Variants in RBMXL3 observed in about 807,000 individuals in gnomAD.
RBMXL3 encodes the protein RNA-binding motif protein, X-linked-like-3.
RBMXL3 carries 2 observed loss-of-function variants against 0.8 expected under a neutral mutation model. That is an observed-to-expected ratio of 2.54 (90% CI 1.04 to 8.00). The LOEUF (loss-of-function observed/expected upper bound fraction) is 8.00. Ranked by LOEUF, RBMXL3 falls within the 30% of genes most tolerant of loss-of-function variation. The probability of loss-of-function intolerance (pLI) is 0.04; values close to 1 mark genes in which losing one functional copy is unlikely to be tolerated. For synonymous variants in RBMXL3, 447 were observed against 449.8 expected, an observed-to-expected ratio of 0.99 and a Z score of 0.08; for missense variants, 1,127 against 1,068.0, an observed-to-expected ratio of 1.06 and a Z score of -0.77.
In RBMXL3 at chrX:115,192,041, G is replaced by A. The variant is rs1556560671; in HGVS notation, c.2600G>A (p.Arg867His). ...GGGHYEEYRG[R>H]SHDTHSRGRS... ...GGCCACTACGAAGAGTACCGAGGCC[G>A]CTCGCACGACACCCACAGCAGGGGC... The change falls in exon 1 of 1, where the codon CGC becomes CAC. Residue 867 changes from arginine to histidine, a missense_variant. By Grantham distance (29) the Arg-to-His change is conservative (BLOSUM62 0). Transcript: ENST00000424776. The A allele has an allele frequency of 2.2e-5, 25 of 1,162,064 alleles. No homozygotes were observed. In the East Asian group the frequency reaches 6.6e-4, roughly 31 times the overall value.
rs782811705 is a variant in RBMXL3 at position 115,192,638 on chromosome X, G to C, written c.3197G>C (p.Arg1066Thr). Residue 1066 changes from arginine (R) to threonine (T), a missense_variant, in exon 1 of 1, where the codon AGA (arginine) becomes ACA (threonine). By Grantham distance (71) the Arg-to-Thr change is moderately conservative (BLOSUM62 -1). Transcript: ENST00000424776. ...GRFERGEGRS[R>T]Y ...TTCGAGAGGGGGGAAGGCCGGAGCA[G>C]ATACTAAGCAGGAACAGACTTGGGC... 9.5e-5 allele frequency: 111 copies of C among 1,167,788 alleles called. No homozygotes were observed. Among genetic ancestry groups the C allele is most frequent in the Non-Finnish European group, 1.2e-4 (105 of 873,473 alleles).
Position 115,191,332 on chromosome X carries a change from G to A in RBMXL3, c.1891G>A (p.Glu631Lys), listed in dbSNP as rs201518011. The A allele has an allele frequency of 1.4e-5, 16 of 1,144,988 alleles. No individual in the cohort carries two copies. The highest frequency in any genetic ancestry group is 2.4e-4 in the Middle Eastern group (1 of 4,186). 94.4% of individuals were successfully genotyped at this position (1,144,988 alleles called of 1,213,427 possible). A position where few individuals can be genotyped will look rare whatever the true frequency, so the allele number is the denominator to read the frequency against. ...CCGCTACGGAGGAGGAGGCCGCTAC[G>A]AGGAGTACCGAGGCCGCTCCCTTGA... ...SHRYGGGGRY[E>K]EYRGRSLDAN... The change falls in exon 1 of 1, where the codon GAG becomes AAG. Residue 631 changes from glutamate to lysine, a missense_variant. Physicochemically the swap from Glu to Lys is moderately conservative, Grantham distance 56. Coordinates refer to ENST00000424776, the MANE Select transcript of RBMXL3 (RefSeq NM_001145346.2).
Position 115,192,720 on chromosome X carries a change from A to G in RBMXL3, c.*75A>G. On this transcript the variant is annotated 3_prime_UTR_variant, in exon 1 of 1. Coordinates refer to ENST00000424776, the MANE Select transcript of RBMXL3 (RefSeq NM_001145346.2). Reference sequence around the variant, plus strand: ...AGAACCTGTTCTATGTTAACTACCCAAGGACTAGTATAAGTAGGAGTTGTT... The same window carrying G: ...AGAACCTGTTCTATGTTAACTACCCGAGGACTAGTATAAGTAGGAGTTGTT... 1 of 979,593 alleles carries G rather than the reference A, an allele frequency of 1.0e-6. No homozygotes were observed. Among genetic ancestry groups the G allele is most frequent in the South Asian group, 2.1e-5 (1 of 46,816 alleles). The allele number at this position is 979,593 out of a possible 1,213,427, so 80.7% of individuals were successfully genotyped here.
rs782623761 is a variant in RBMXL3, at chrX:115,190,424, G to A, written c.983G>A (p.Arg328His). 1.1e-5 allele frequency: 13 copies of A among 1,164,013 alleles called. No individual in the cohort carries two copies. The highest frequency in any genetic ancestry group is 6.5e-5 in the East Asian group (2 of 30,638). The part of the protein sequence containing the change: ...GTPPSYGGGC[R>H]YEEYQGNSPD... Reference sequence around the variant, plus strand: ...CCGCCATCTTATGGAGGAGGATGCCGCTACGAGGAGTACCAGGGCAACTCG... The same window carrying A: ...CCGCCATCTTATGGAGGAGGATGCCACTACGAGGAGTACCAGGGCAACTCG... The change falls in exon 1 of 1, where the codon CGC becomes CAC. Residue 328 changes from arginine (R) to histidine (H), a missense_variant. Transcript: ENST00000424776.
At position 115,190,635 on chromosome X, in the gene RBMXL3, C is replaced by T. The variant is rs782060280; in HGVS notation, c.1194C>T (p.Asp398=). 7.0e-4 allele frequency: 812 copies of T among 1,155,301 alleles called. 1 individual carries two copies. The highest frequency in any genetic ancestry group is 8.5e-4 in the Non-Finnish European group (733 of 864,736). The part of the protein sequence containing the change: ...CYEEYRGRSP[D]AHSGGRNSSS... ...AGGAGTACAGAGGCCGCTCGCCCGA[C>T]GCCCACAGCGGGGGCCGCAACAGTT... Residue 398 remains aspartate (D), a synonymous_variant, in exon 1 of 1, where the codon GAC becomes GAT. Coordinates refer to ENST00000424776, the MANE Select transcript of RBMXL3 (RefSeq NM_001145346.2).
rs1556561008 is a variant in RBMXL3, at chrX:115,192,224, G to A, written c.2783G>A (p.Arg928His). The A allele has an allele frequency of 2.6e-6, 3 of 1,161,549 alleles. No individual in the cohort carries two copies. The highest frequency in any genetic ancestry group is 3.3e-5 in the East Asian group (1 of 30,442). The change falls in exon 1 of 1, where the codon CGC (arginine) becomes CAC (histidine). Residue 928 changes from arginine to histidine, a missense_variant. By Grantham distance (29) the Arg-to-His change is conservative. Transcript: ENST00000424776. ...GRSPNAYGGGRGLNSSNNSHG... is the reference protein window; with the variant it reads ...GRSPNAYGGGHGLNSSNNSHG... ...TCGCCCAATGCCTACGGCGGGGGCC[G>A]CGGCCTCAACAGTTCCAACAACAGT...
At position 115,192,632 on chromosome X, in the gene RBMXL3, G is replaced by A. The variant is rs1156655129; in HGVS notation, c.3191G>A (p.Arg1064Gln). 29 of 1,168,107 alleles carry A rather than the reference G, an allele frequency of 2.5e-5. No individual in the cohort carries two copies. The highest frequency in any genetic ancestry group is 2.4e-4 in the Middle Eastern group (1 of 4,121). The change falls in exon 1 of 1, where the codon CGG becomes CAG. Residue 1064 changes from arginine (R) to glutamine (Q), a missense_variant. By Grantham distance (43) the Arg-to-Gln change is conservative. Transcript: ENST00000424776. Reference protein sequence around the residue: ...QGGRFERGEGRSRY With the variant: ...QGGRFERGEGQSRY Reference sequence around the variant, plus strand: ...GGCCGCTTCGAGAGGGGGGAAGGCCGGAGCAGATACTAAGCAGGAACAGAC... The same window carrying A: ...GGCCGCTTCGAGAGGGGGGAAGGCCAGAGCAGATACTAAGCAGGAACAGAC...
Position 115,191,125 on chromosome X carries a change from G to A in RBMXL3, c.1684G>A (p.Ala562Thr), listed in dbSNP as rs1458277387. Reference protein sequence around the residue: ...RYEYRGRSHDAHSGGCSADAY... With the variant: ...RYEYRGRSHDTHSGGCSADAY... ...TGAGTACCGAGGCCGCTCGCATGACGCCCACAGTGGGGGCTGCTCTGCCGA... is the reference window on the plus strand; with the variant it reads ...TGAGTACCGAGGCCGCTCGCATGACACCCACAGTGGGGGCTGCTCTGCCGA... The change falls in exon 1 of 1, where the codon GCC becomes ACC. Residue 562 changes from alanine (A) to threonine (T), a missense_variant. Transcript: ENST00000424776. 4.3e-6 allele frequency: 5 copies of A among 1,165,700 alleles called. No individual in the cohort carries two copies. The highest frequency in any genetic ancestry group is 2.6e-5 in the Admixed American group (1 of 38,564).
chrX:115,189,682 G>C lies in RBMXL3; in HGVS notation c.241G>C (p.Val81Leu). The part of the protein sequence containing the change: ...GKYLDGKAIM[V>L]AQTIKPAFKS... ...GTACCTGGATGGTAAGGCCATCATG[G>C]TGGCCCAGACCATCAAACCGGCATT... is the stretch of plus-strand genomic sequence containing the variant. Residue 81 changes from valine to leucine, a missense_variant, in exon 1 of 1, where the codon GTG becomes CTG. Val to Leu is a conservative substitution (Grantham distance 32, BLOSUM62 1). Transcript: ENST00000424776. 1 of 1,168,365 alleles carries C rather than the reference G, an allele frequency of 8.6e-7. No individual in the cohort carries two copies. The highest frequency in any genetic ancestry group is 1.1e-6 in the Non-Finnish European group (1 of 873,258).
At position 115,191,023 on chromosome X, in the gene RBMXL3, G is replaced by C; in HGVS notation, c.1582G>C (p.Asp528His). The change falls in exon 1 of 1, where the codon GAC (aspartate) becomes CAC (histidine). Residue 528 changes from aspartate to histidine, a missense_variant. Asp to His is a moderately conservative substitution (Grantham distance 81). Transcript: ENST00000424776. ...LDANSGGRSPDTHSGGHSSSS... is the reference protein window; with the variant it reads ...LDANSGGRSPHTHSGGHSSSS... ...TGCCAACAGCGGAGGCCGTTCACCCGACACCCACAGTGGGGGCCACAGCAG... is the reference window on the plus strand; with the variant it reads ...TGCCAACAGCGGAGGCCGTTCACCCCACACCCACAGTGGGGGCCACAGCAG... 1 of 1,161,294 alleles carries C rather than the reference G, an allele frequency of 8.6e-7. No homozygotes were observed. The highest frequency in any genetic ancestry group is 1.8e-5 in the African/African-American group (1 of 54,071).
At position 115,191,716 on chromosome X, in the gene RBMXL3, G is replaced by A. The variant is rs372675064; in HGVS notation, c.2275G>A (p.Ala759Thr). Residue 759 changes from alanine to threonine, a missense_variant, in exon 1 of 1, where the codon GCC becomes ACC. By Grantham distance (58) the Ala-to-Thr change is moderately conservative. Coordinates refer to ENST00000424776, the MANE Select transcript of RBMXL3 (RefSeq NM_001145346.2). ...DANSSGRLPD[A>T]YSGGHDSSSR... is the part of the protein sequence containing the mutation. ...CAACAGCAGTGGCCGCTTGCCTGACGCCTACAGTGGGGGCCATGACAGTTC... is the reference window on the plus strand; with the variant it reads ...CAACAGCAGTGGCCGCTTGCCTGACACCTACAGTGGGGGCCATGACAGTTC... The A allele has an allele frequency of 5.8e-5, 67 of 1,162,375 alleles. No homozygotes were observed. The African/African-American group carries it at 6.8e-4, about 12-fold the overall frequency.
In RBMXL3 at chrX:115,191,668, G is replaced by C; in HGVS notation, c.2227G>C (p.Gly743Arg). The C allele has an allele frequency of 1.7e-6, 2 of 1,162,227 alleles. No individual in the cohort carries two copies. Among genetic ancestry groups the C allele is most frequent in the Non-Finnish European group, 2.3e-6 (2 of 871,219 alleles). ...DSSSQSDHYG[G>R]GGRSLDANSS... Reference sequence around the variant, plus strand: ...TTCCAGCCAGAGCGACCACTATGGAGGAGGAGGTCGCTCACTCGATGCCAA... The same window carrying C: ...TTCCAGCCAGAGCGACCACTATGGACGAGGAGGTCGCTCACTCGATGCCAA... Residue 743 changes from glycine (G) to arginine (R), a missense_variant, in exon 1 of 1, where the codon GGA becomes CGA. Coordinates refer to ENST00000424776, the MANE Select transcript of RBMXL3 (RefSeq NM_001145346.2).
chrX:115,190,899 C>T lies in RBMXL3; in HGVS notation c.1458C>T (p.Cys486=). 1 of 1,163,798 alleles carries T rather than the reference C, an allele frequency of 8.6e-7. No individual in the cohort carries two copies. The highest frequency in any genetic ancestry group is 1.1e-6 in the Non-Finnish European group (1 of 871,794). Residue 486 remains cysteine, a synonymous_variant, in exon 1 of 1, where the codon TGC becomes TGT. Coordinates refer to ENST00000424776, the MANE Select transcript of RBMXL3 (RefSeq NM_001145346.2). ...GRSLDANSGG[C]SPEAYSGGHD... is the part of the protein sequence containing the mutation. ...CGCTGGATGCCAACAGTGGAGGCTG[C>T]TCGCCCGAGGCCTACAGTGGGGGCC...
Position 115,191,198 on chromosome X carries a change from G to T in RBMXL3, c.1757G>T (p.Gly586Val). 8.6e-7 allele frequency: 1 copy of T among 1,158,828 alleles called. No individual in the cohort carries two copies. The highest frequency in any genetic ancestry group is 1.2e-6 in the Non-Finnish European group (1 of 868,863). The part of the protein sequence containing the change: ...HDSSSQSNRY[G>V]GGGCYEEYRG... Reference sequence around the variant, plus strand: ...AGTTCCAGCCAGAGCAACCGCTACGGAGGAGGAGGCTGCTACGAGGAGTAC... The same window carrying T: ...AGTTCCAGCCAGAGCAACCGCTACGTAGGAGGAGGCTGCTACGAGGAGTAC... The change falls in exon 1 of 1, where the codon GGA becomes GTA. Residue 586 changes from glycine to valine, a missense_variant. Transcript: ENST00000424776.
At position 115,190,414 on chromosome X, in the gene RBMXL3, G is replaced by A; in HGVS notation, c.973G>A (p.Gly325Arg). The change falls in exon 1 of 1, where the codon GGA becomes AGA. Residue 325 changes from glycine to arginine, a missense_variant. Gly to Arg is a moderately radical substitution (Grantham distance 125). Coordinates refer to ENST00000424776, the MANE Select transcript of RBMXL3 (RefSeq NM_001145346.2). ...PVWGTPPSYGGGCRYEEYQGN... is the reference protein window; with the variant it reads ...PVWGTPPSYGRGCRYEEYQGN... ...GTGGGGGACACCGCCATCTTATGGA[G>A]GAGGATGCCGCTACGAGGAGTACCA... 1.7e-6 allele frequency: 2 copies of A among 1,164,696 alleles called. No individual in the cohort carries two copies. The highest frequency in any genetic ancestry group is 3.3e-5 in the East Asian group (1 of 30,701).
rs1556558345 is a variant in RBMXL3, at chrX:115,190,920, G to A, written c.1479G>A (p.Gly493=). The change falls in exon 1 of 1, where the codon GGG becomes GGA. Residue 493 remains glycine (G), a synonymous_variant. Transcript: ENST00000424776. ...SGGCSPEAYS[G]GHDNSSWSDR... ...GCTGCTCGCCCGAGGCCTACAGTGG[G>A]GGCCACGACAATTCCAGCTGGAGCG... 1.5e-5 allele frequency: 17 copies of A among 1,161,462 alleles called. No homozygotes were observed. The East Asian group carries it at 5.6e-4, about 38-fold the overall frequency.
Position 115,190,430 on chromosome X carries a change from A to G in RBMXL3, c.989A>G (p.Glu330Gly), listed in dbSNP as rs1556557212. 2 of 1,164,459 alleles carry G rather than the reference A, an allele frequency of 1.7e-6. No individual in the cohort carries two copies. The highest frequency in any genetic ancestry group is 1.9e-5 in the South Asian group (1 of 52,325). ...PPSYGGGCRY[E>G]EYQGNSPDAC... ...TCTTATGGAGGAGGATGCCGCTACG[A>G]GGAGTACCAGGGCAACTCGCCCGAT... is the stretch of plus-strand genomic sequence containing the variant. The change falls in exon 1 of 1, where the codon GAG becomes GGG. Residue 330 changes from glutamate to glycine, a missense_variant. Physicochemically the swap from Glu to Gly is moderately conservative, Grantham distance 98. Transcript: ENST00000424776.
At position 115,191,756 on chromosome X, in the gene RBMXL3, G is replaced by A. The variant is rs782035021; in HGVS notation, c.2315G>A (p.Arg772His). The change falls in exon 1 of 1, where the codon CGC (arginine) becomes CAC (histidine). Residue 772 changes from arginine (R) to histidine (H), a missense_variant. Arg to His is a conservative substitution (Grantham distance 29). Transcript: ENST00000424776. ...GGHDSSSRSH[R>H]YGGGGRYEEY... is the part of the protein sequence containing the mutation. ...CATGACAGTTCCAGCCGGAGCCACC[G>A]CTACGGAGGAGGAGGCCGCTACGAG... 2.3e-5 allele frequency: 27 copies of A among 1,159,177 alleles called. No homozygotes were observed. Among genetic ancestry groups the A allele is most frequent in the Middle Eastern group, 4.7e-4 (2 of 4,284 alleles).
rs1292027981 is a variant in RBMXL3 at position 115,190,307 on chromosome X, A to T, written c.866A>T (p.His289Leu). ...CAAAATGGCTACAGGGGTCGCGACC[A>T]TGAGTACACAGATCATCCCAGCAAA... ...GNQNGYRGRD[H>L]EYTDHPSKGS... Residue 289 changes from histidine (H) to leucine (L), a missense_variant, in exon 1 of 1, where the codon CAT becomes CTT. By Grantham distance (99) the His-to-Leu change is moderately conservative (BLOSUM62 -3). Transcript: ENST00000424776. The T allele has an allele frequency of 6.3e-5, 73 of 1,150,258 alleles. No homozygotes were observed. The highest frequency in any genetic ancestry group is 8.5e-5 in the Non-Finnish European group (73 of 863,329). The allele number at this position is 1,150,258 out of a possible 1,213,427, so 94.8% of individuals were successfully genotyped here.
Sources: allele counts gnomAD v4.1 joint callset, GRCh38; gene constraint gnomAD v4.1.1; transcripts MANE v1.5; gene names NCBI Gene and HGNC (gene_info 2026-07-23, HGNC 2026-07-21).